The following SND1 variants were observed in gnomAD, a reference collection of about 807,000 sequenced individuals.
SND1 encodes staphylococcal nuclease and tudor domain containing 1, also known as staphylococcal nuclease domain-containing protein 1.
In SND1, 38 loss-of-function variants were observed where a neutral mutation model predicts 121.7. The ratio of observed to expected loss-of-function variants is 0.31; its 90% CI spans 0.24 to 0.41. The LOEUF is 0.41. Among genes scored for constraint, SND1 ranks in the 10% least tolerant of loss-of-function variants. SND1 has a pLI of 1.00. For missense variants in SND1, 868 were observed against 1,184.6 expected (o/e 0.73, Z 3.92); for synonymous variants, 401 against 447.4 (o/e 0.90, Z 1.31).
At chr7:127,754,677 A>G (rs1377292339) in intron 10 of SND1, among the ~76,000 whole-genome samples, 1 of 152,238 alleles carries the variant, frequency 6.6e-6, no homozygotes, top group Non-Finnish European at 1.5e-5. Flanking sequence ...TGAACACTAC[A>G]TGGCCAAGAC....
intron 12 of SND1, among the ~76,000 whole-genome samples, chr7:127,857,603 G>A (rs1346642182): frequency 6.6e-6 from 1 of 151,822 alleles, no homozygotes; most frequent in Non-Finnish European, 1.5e-5. Flanking sequence ...CCCCTGACAG[G>A]CACCTCCAAG....
At chr7:127,957,095 C>A (rs1801612222) in intron 15 of SND1, among the ~76,000 whole-genome samples, 1 of 152,162 alleles carries the variant, frequency 6.6e-6, no homozygotes, top group Admixed American at 6.5e-5. Context: ...AGTAGAACAG[C>A]AAATTATTAA....
At chr7:127,791,423 G>A (rs1326548842) in intron 10 of SND1, among the ~76,000 whole-genome samples, 2 of 152,148 alleles carry the variant, frequency 1.3e-5, no homozygotes, top group African/African-American at 4.8e-5. Flanking sequence ...AAACTGCTGG[G>A]ATTAAAGGCA....
intron 11 of SND1, among the ~76,000 whole-genome samples, chr7:127,843,866 T>C (rs1261521679): frequency 6.6e-6 from 1 of 152,236 alleles, no homozygotes; most frequent in Non-Finnish European, 1.5e-5. Context: ...GAATTAGAGT[T>C]CCTATTGCTC....
chr7:127,933,455 C>T (rs1390171390), intron 15 of SND1, among the ~76,000 whole-genome samples: 1 of 152,148 alleles, frequency 6.6e-6, no homozygotes, highest in Non-Finnish European at 1.5e-5. Flanking sequence ...AGAAACCTGG[C>T]AAGAATACAG....
At chr7:127,998,932 A>G (rs2116929116) in intron 16 of SND1, 1 of 152,388 alleles carries the variant, frequency 6.6e-6, no homozygotes, top group South Asian at 2.1e-4. Context: ...CTCTCTGCAA[A>G]GCTGCTGGCT....
At chr7:127,709,731 A>G (rs1161115734) in intron 9 of SND1, among the ~76,000 whole-genome samples, 4 of 152,184 alleles carry the variant, frequency 2.6e-5, no homozygotes, top group African/African-American at 9.7e-5. Flanking sequence ...GCCAAAGTAG[A>G]GGAGATTGCC....
chr7:127,685,532 G>A lies in SND1; in HGVS notation c.79-1081G>A, dbSNP rs1029027196. Among the ~76,000 whole-genome samples, 7 of 152,196 alleles carry A rather than the reference G, an allele frequency of 4.6e-5. No individual in the cohort carries two copies. In the East Asian group the frequency reaches 5.8e-4, roughly 13 times the overall value. On this transcript the variant is annotated intron_variant, in intron 1 of 23. Transcript: ENST00000354725. ...AAAGACAATTTGAATAGCTTGGGTC[G>A]TTTTTCCCTTATGTGTCTTCTTCCC...
intron 11 of SND1, among the ~76,000 whole-genome samples, chr7:127,836,059 G>A (rs1004602328): frequency 1.3e-5 from 2 of 152,080 alleles, no homozygotes; most frequent in African/African-American, 4.8e-5. Context: ...GTTTATCAGG[G>A]AGCAGTGATG....
intron 15 of SND1, among the ~76,000 whole-genome samples, chr7:127,973,729 T>C (rs955683253): frequency 2.0e-5 from 3 of 152,238 alleles, no homozygotes; most frequent in Non-Finnish European, 4.4e-5. Context: ...TCTTCCACAA[T>C]GACCTGTGTG....
At chr7:127,967,682 A>G (rs945264608) in intron 15 of SND1, among the ~76,000 whole-genome samples, 1 of 152,144 alleles carries the variant, frequency 6.6e-6, no homozygotes, top group Non-Finnish European at 1.5e-5. Flanking sequence ...ATATTTATCC[A>G]TATTCAGTTT....
At chr7:127,959,132 G>A (rs1417130660) in intron 15 of SND1, among the ~76,000 whole-genome samples, 1 of 152,192 alleles carries the variant, frequency 6.6e-6, no homozygotes, top group Non-Finnish European at 1.5e-5. Context: ...AGAAGAAGGT[G>A]GGGGTGATTC....
At chr7:127,694,084 G>A (rs574544557) in intron 2 of SND1, among the ~76,000 whole-genome samples, 64 of 152,304 alleles carry the variant, frequency 4.2e-4, no homozygotes, top group Admixed American at 2.7e-3. Flanking sequence ...CCTTTGTCAG[G>A]GGCTGTTACT....
intron 14 of SND1, among the ~76,000 whole-genome samples, chr7:127,905,291 C>T (rs1354229090): frequency 6.6e-6 from 1 of 152,074 alleles, no homozygotes; most frequent in African/African-American, 2.4e-5. Context: ...AATGTATGAA[C>T]ATCCTTTGAG....
At chr7:127,750,628 T>A (rs897269050) in intron 10 of SND1, among the ~76,000 whole-genome samples, 1 of 152,226 alleles carries the variant, frequency 6.6e-6, no homozygotes, top group African/African-American at 2.4e-5. Flanking sequence ...ATTTGCATTA[T>A]ATTTCCTGGT....
At chr7:127,951,243 G>GA (rs1384763426) in intron 15 of SND1, among the ~76,000 whole-genome samples, 5 of 151,824 alleles carry the variant, frequency 3.3e-5, no homozygotes, top group Admixed American at 1.3e-4. Context: ...TAGCCTTAGG[G>GA]AAAAAAAAGG....
At chr7:127,665,472 A>C (rs1344155931) in intron 1 of SND1, among the ~76,000 whole-genome samples, 4 of 152,044 alleles carry the variant, frequency 2.6e-5, no homozygotes, top group South Asian at 2.1e-4. Flanking sequence ...CAGGCGTGAG[A>C]CACCGCGCCC....
intron 15 of SND1, among the ~76,000 whole-genome samples, chr7:127,975,353 G>A (rs1046417705): frequency 4.6e-5 from 7 of 151,980 alleles, no homozygotes; most frequent in African/African-American, 9.7e-5. Flanking sequence ...ATGTGCGCAC[G>A]CGCGTGTGTA....
At chr7:127,656,080 A>G (rs982334331) in intron 1 of SND1, among the ~76,000 whole-genome samples, 4 of 152,074 alleles carry the variant, frequency 2.6e-5, no homozygotes, top group African/African-American at 7.2e-5. Flanking sequence ...GTTTTATTCT[A>G]AGAACCATGA....
Sources: gnomAD v4.1 joint callset for allele counts (sites outside exome capture counted in the v4.1 genomes callset) on GRCh38, gnomAD v4.1.1 for gene constraint, MANE v1.5 for transcripts, NCBI Gene and HGNC (gene_info 2026-07-23, HGNC 2026-07-21) for gene names.